The following CCSER1 variants were observed in gnomAD, a reference collection of about 807,000 sequenced individuals.
The protein encoded by CCSER1 is coiled-coil serine rich protein 1.
In CCSER1, 41 loss-of-function variants were observed where a neutral mutation model predicts 82.0. The observed-to-expected ratio is 0.50, with a 90% CI of 0.39 to 0.65. The LOEUF (loss-of-function observed/expected upper bound fraction) is 0.65, where lower values mean the gene tolerates loss of function less well. Among genes scored for constraint, CCSER1 ranks in the 30% least tolerant of loss-of-function variants. The pLI is 0.00. For synonymous variants in CCSER1, 414 were observed against 383.9 expected (o/e 1.08, Z -0.92); for missense variants, 1,119 against 1,064.2 (o/e 1.05, Z -0.72).
chr4:91,318,744 G>A (rs2149262062), intron 10 of CCSER1, among the ~76,000 whole-genome samples: 1 of 152,032 alleles, frequency 6.6e-6, no homozygotes, highest in South Asian at 2.1e-4. Context: ...CTGTCCAAAT[G>A]TCCAAATACA....
intron 1 of CCSER1, among the ~76,000 whole-genome samples, chr4:90,179,376 C>T (rs1402121162): frequency 6.6e-6 from 1 of 152,072 alleles, no homozygotes; most frequent in Non-Finnish European, 1.5e-5. Flanking sequence ...AAGATATTTT[C>T]CGAAGTATAA....
chr4:90,222,874 C>T (rs369687526), intron 1 of CCSER1, among the ~76,000 whole-genome samples: 35 of 152,224 alleles, frequency 2.3e-4, no homozygotes, highest in East Asian at 1.7e-3. Context: ...GTGCTAATAT[C>T]TTGCAAAATT....
chr4:91,008,604 A>G (rs1176348333), intron 9 of CCSER1, among the ~76,000 whole-genome samples: 1 of 152,170 alleles, frequency 6.6e-6, no homozygotes, highest in Non-Finnish European at 1.5e-5. Context: ...TGAGGCTAAA[A>G]TGGGTCTTTT....
intron 9 of CCSER1, among the ~76,000 whole-genome samples, chr4:90,975,578 AC>A (rs1162928375): frequency 2.6e-5 from 4 of 151,246 alleles, no homozygotes; most frequent in Non-Finnish European, 4.4e-5. Context: ...AAACACGGAA[AC>A]AGAGTCTCTA....
intron 10 of CCSER1, among the ~76,000 whole-genome samples, chr4:91,368,309 T>C (rs980399544): frequency 6.6e-6 from 1 of 152,074 alleles, no homozygotes; most frequent in Non-Finnish European, 1.5e-5. Context: ...CTCCATTTGG[T>C]CTATTCTGTG....
At position 90,495,696 on chromosome 4, in the gene CCSER1, G is replaced by C. The variant is rs903170823; in HGVS notation, c.1724+27342G>C. ...TATATCATAATGTCATTTATTTTTAGTGACAGTTCTGTGAATTATAGCAGA... is the reference window on the plus strand; with the variant it reads ...TATATCATAATGTCATTTATTTTTACTGACAGTTCTGTGAATTATAGCAGA... On this transcript the variant is annotated intron_variant, in intron 5 of 10. Coordinates refer to ENST00000509176, the MANE Select transcript of CCSER1 (RefSeq NM_001145065.2). Among the ~76,000 whole-genome samples, 10 of 152,216 alleles carry C rather than the reference G, an allele frequency of 6.6e-5. No individual in the cohort carries two copies. The East Asian group carries it at 1.7e-3, about 26-fold the overall frequency.
chr4:90,396,453 T>G (rs1405243869), intron 3 of CCSER1, among the ~76,000 whole-genome samples: 1 of 152,140 alleles, frequency 6.6e-6, no homozygotes, highest in African/African-American at 2.4e-5. Context: ...TTTATAAACA[T>G]AAGTATAATA....
chr4:90,972,411 C>A (rs1384061070), intron 9 of CCSER1, among the ~76,000 whole-genome samples: 1 of 151,348 alleles, frequency 6.6e-6, no homozygotes, highest in Non-Finnish European at 1.5e-5. Context: ...ATTAAGACAG[C>A]AACACCATTT....
chr4:91,576,068 A>G (rs929906514), intron 10 of CCSER1, among the ~76,000 whole-genome samples: 2 of 152,050 alleles, frequency 1.3e-5, no homozygotes, highest in Non-Finnish European at 2.9e-5. Context: ...TCATTGCAGC[A>G]TTATTCACAA....
intron 6 of CCSER1, among the ~76,000 whole-genome samples, chr4:90,690,266 C>A (rs906018490): frequency 2.0e-5 from 3 of 151,922 alleles, no homozygotes; most frequent in African/African-American, 7.3e-5. Flanking sequence ...GGATGGTAAG[C>A]ATGGGAGGTC....
intron 10 of CCSER1, among the ~76,000 whole-genome samples, chr4:91,227,511 GTTTATT>G (rs1325102644): frequency 6.7e-6 from 1 of 149,344 alleles, no homozygotes; most frequent in Non-Finnish European, 1.5e-5. Flanking sequence ...AAGAAACAGT[GTTTATT>G]TTAATTTTTT....
intron 9 of CCSER1, among the ~76,000 whole-genome samples, chr4:90,988,502 T>G (rs1736769085): frequency 6.6e-6 from 1 of 151,664 alleles, no homozygotes; most frequent in East Asian, 1.9e-4. Flanking sequence ...AGCAGGAAAT[T>G]TTGATTCCAT....
At chr4:90,435,309 T>G (rs1758847958) in intron 4 of CCSER1, among the ~76,000 whole-genome samples, 1 of 152,114 alleles carries the variant, frequency 6.6e-6, no homozygotes, top group African/African-American at 2.4e-5. Flanking sequence ...TTTGTAAATA[T>G]TTCATATTGA....
At chr4:91,112,438 G>A (rs1156999376) in intron 10 of CCSER1, among the ~76,000 whole-genome samples, 1 of 151,998 alleles carries the variant, frequency 6.6e-6, no homozygotes, top group Non-Finnish European at 1.5e-5. Context: ...TAACTATTCT[G>A]TAAGTTTTAA....
rs1047815079 is a variant in CCSER1, at chr4:91,514,393, T to C, written c.2218-84179T>C. ...GTTATGTATGTGGTTGATGTTGGAGTATGTTCTATGTGCAGATGAGAAGAA... is the reference window on the plus strand; with the variant it reads ...GTTATGTATGTGGTTGATGTTGGAGCATGTTCTATGTGCAGATGAGAAGAA... On this transcript the variant is annotated intron_variant, in intron 10 of 10. Coordinates refer to ENST00000509176, the MANE Select transcript of CCSER1 (RefSeq NM_001145065.2). 2.0e-5 allele frequency among the ~76,000 whole-genome samples: 3 copies of C among 152,148 alleles called. No individual in the cohort carries two copies. In the East Asian group the frequency reaches 5.8e-4, roughly 29 times the overall value.
At chr4:90,379,887 C>G (rs1261388152) in intron 3 of CCSER1, among the ~76,000 whole-genome samples, 1 of 152,024 alleles carries the variant, frequency 6.6e-6, no homozygotes, top group Non-Finnish European at 1.5e-5. Context: ...CCAACCATGG[C>G]AGAAGGCAAA....
intron 10 of CCSER1, among the ~76,000 whole-genome samples, chr4:91,117,067 C>A (rs961561904): frequency 4.6e-5 from 7 of 152,136 alleles, no homozygotes; most frequent in African/African-American, 1.7e-4. Context: ...AAGAAGGCAC[C>A]ACCTAATGGC....
intron 7 of CCSER1, among the ~76,000 whole-genome samples, chr4:90,753,309 C>A (rs6532239): frequency 0.59 from 89,868 of 151,850 alleles, 26,784 homozygotes; most frequent in African/African-American, 0.66. Context: ...TAGGCAGAAA[C>A]AAACAGAAGG....
intron 3 of CCSER1, among the ~76,000 whole-genome samples, chr4:90,325,010 G>C (rs1737883779): frequency 6.6e-6 from 1 of 152,240 alleles, no homozygotes; most frequent in African/African-American, 2.4e-5. Flanking sequence ...TGAGGGCTCT[G>C]TTCTATTCCA....
Sources: allele counts gnomAD v4.1 joint callset (sites outside exome capture counted in the v4.1 genomes callset), GRCh38; gene constraint gnomAD v4.1.1; transcripts MANE v1.5; gene names NCBI Gene and HGNC (gene_info 2026-07-23, HGNC 2026-07-21).